The following PDXK variants were observed in gnomAD, a reference collection of about 807,000 sequenced individuals.
PDXK encodes epididymis secretory sperm binding protein Li 1a.
A neutral mutation model predicts 43.2 loss-of-function variants in PDXK; 15 were observed. The ratio of observed to expected loss-of-function variants is 0.35; its 90% CI spans 0.23 to 0.53. The LOEUF (loss-of-function observed/expected upper bound fraction) is 0.53, where lower values mean the gene tolerates loss of function less well. Ranked by LOEUF, PDXK falls within the 20% of genes least tolerant of loss-of-function variation. The pLI, the probability that PDXK is intolerant of heterozygous loss-of-function variation, is 0.92. For missense variants in PDXK, 343 were observed against 417.0 expected, an observed-to-expected ratio of 0.82 and a Z score of 1.54; for synonymous variants, 172 against 165.4, an observed-to-expected ratio of 1.04 and a Z score of -0.31.
Position 43,735,605 on chromosome 21 carries a change from T to C in PDXK, c.142+1482T>C, listed in dbSNP as rs1050438954. 3.3e-5 allele frequency among the ~76,000 whole-genome samples: 5 copies of C among 152,142 alleles called. No homozygotes were observed. Among genetic ancestry groups the C allele is most frequent in the Non-Finnish European group, 2.9e-5 (2 of 68,010 alleles). ...GACAGCCTGGGGGTGTCCCTTCCCA[T>C]GGGGTCCAGCCTGTGGTTCCTGGGA... is the stretch of plus-strand genomic sequence containing the variant. On this transcript the variant is annotated intron_variant, in intron 2 of 10. Coordinates refer to ENST00000291565, the MANE Select transcript of PDXK (RefSeq NM_003681.5). This position sits in a 1 kb window ranked among gnomAD's most constrained non-coding sequence, Gnocchi z 5.3.
chr21:43,756,387 T>C lies in PDXK; in HGVS notation c.*324T>C, dbSNP rs8126928. On this transcript the variant is annotated 3_prime_UTR_variant, in exon 11 of 11. Transcript: ENST00000291565. The stretch of plus-strand genomic sequence containing the variant: ...AGTGGGTGAGGCCGAGCCTGCTGCG[T>C]GTGGAGCCTCGAGTGGGCCCTGGCT... 0.24 allele frequency: 66,499 copies of C among 278,570 alleles called. 9,051 individuals carry two copies. The highest frequency in any genetic ancestry group is 0.35 in the African/African-American group (15,660 of 44,886). The allele number at this position is 278,570 out of a possible 1,614,324, so 17.3% of individuals were successfully genotyped here.
At chr21:43,738,086 C>A (rs1348982364) in intron 2 of PDXK, 1 of 977,858 alleles carries the variant, frequency 1.0e-6, no homozygotes, top group Non-Finnish European at 1.2e-6. Flanking sequence ...TACGTCCCCC[C>A]AAATTCTCAT....
In PDXK at chr21:43,749,094, TTTTATTTTAC is replaced by T. The variant is rs573978630; in HGVS notation, c.464+22_464+31del. ...GTTTGAGGCCGAGTAAGTCATTTTA[TTTTATTTTAC>T]TTTATTTATTTATTTTTCAAGATGG... On this transcript the variant is annotated intron_variant, in intron 6 of 10. Coordinates refer to ENST00000291565, the MANE Select transcript of PDXK (RefSeq NM_003681.5). 4,977 of 1,526,690 alleles carry T rather than the reference TTTTATTTTAC, an allele frequency of 3.3e-3. 12 individuals carry two copies. The highest frequency in any genetic ancestry group is 3.9e-3 in the Non-Finnish European group (4,299 of 1,104,792). The allele number at this position is 1,526,690 out of a possible 1,614,324, so 94.6% of individuals were successfully genotyped here.
At chr21:43,746,901 A>G (rs1356449714) in intron 5 of PDXK, among the ~76,000 whole-genome samples, 1 of 152,106 alleles carries the variant, frequency 6.6e-6, no homozygotes, top group Non-Finnish European at 1.5e-5. Flanking sequence ...CGGGGGCCAG[A>G]GCGGGTGGCT....
rs534063581 is a variant in PDXK, at chr21:43,754,233, G to A, written c.759+514G>A. Among the ~76,000 whole-genome samples, 23 of 152,324 alleles carry A rather than the reference G, an allele frequency of 1.5e-4. No homozygotes were observed. The highest frequency in any genetic ancestry group is 5.5e-4 in the African/African-American group (23 of 41,570). ...GGTGTGGAGAGCCGTCTTTCTGGGC[G>A]TTTTGTCTGGATGTCTGCCTGCTTT... is the stretch of plus-strand genomic sequence containing the variant. On this transcript the variant is annotated intron_variant, in intron 9 of 10. Coordinates refer to ENST00000291565, the MANE Select transcript of PDXK (RefSeq NM_003681.5). The surrounding 1 kb of genome is among the most constrained non-coding windows in gnomAD (Gnocchi z 5.5).
At chr21:43,748,818 CCACACGCTGT>C (rs1179536620) in intron 5 of PDXK, among the ~76,000 whole-genome samples, 167 bp from the exon 6 acceptor site, 1 of 152,196 alleles carries the variant, frequency 6.6e-6, no homozygotes, top group Admixed American at 6.5e-5. Context: ...TGTGCCTCGG[CCACACGCTGT>C]CCCCGTGGTG....
intron 9 of PDXK, 168 bp from the exon 10 acceptor site, chr21:43,755,530 C>G (rs2083832659): frequency 1.5e-6 from 1 of 653,410 alleles, no homozygotes; most frequent in African/African-American, 1.8e-5. Context: ...GGTGGGCAGT[C>G]CGCAGCCTGT....
chr21:43,759,083 G>C lies in PDXK; in HGVS notation c.*3020G>C, dbSNP rs2083895290. On this transcript the variant is annotated 3_prime_UTR_variant, in exon 11 of 11. Transcript: ENST00000291565. ...GATGTCTCCATCTTGAGATCACCAG[G>C]CAAGAGAGTTGCCTGCACCAGGTAA... is the stretch of plus-strand genomic sequence containing the variant. 1 of 152,232 alleles carries C rather than the reference G, an allele frequency of 6.6e-6. No homozygotes were observed. Among genetic ancestry groups the C allele is most frequent in the South Asian group, 2.1e-4 (1 of 4,828 alleles). The allele number at this position is 152,232 out of a possible 1,614,324, so 9.4% of individuals were successfully genotyped here. A position where few individuals can be genotyped will look rare whatever the true frequency, so the allele number is the denominator to read the frequency against.
At chr21:43,755,246 G>T (rs552154177) in intron 9 of PDXK, among the ~76,000 whole-genome samples, 2 of 151,488 alleles carry the variant, frequency 1.3e-5, no homozygotes, top group African/African-American at 4.8e-5. Context: ...CTGACTCTGA[G>T]GCATCACTGA....
intron 2 of PDXK, among the ~76,000 whole-genome samples, chr21:43,739,672 T>C (rs1467226346): frequency 6.6e-6 from 1 of 151,654 alleles, no homozygotes; most frequent in East Asian, 1.9e-4. Flanking sequence ...ACCACCCCCA[T>C]GATTGAATGA....
Position 43,737,129 on chromosome 21 carries a change from TG to T in PDXK, c.142+3009del. On this transcript the variant is annotated intron_variant, in intron 2 of 10. Coordinates refer to ENST00000291565, the MANE Select transcript of PDXK (RefSeq NM_003681.5). The surrounding 1 kb of genome is among the most constrained non-coding windows in gnomAD (Gnocchi z 4.8). ...CAGGGTTGTTACTGGGGTGGTCACG[TG>T]GGCAGCTTCTGCCTGGGATGGGCCA... 7.7e-7 allele frequency: 1 copy of T among 1,290,548 alleles called. No homozygotes were observed. Among genetic ancestry groups the T allele is most frequent in the Admixed American group, 2.1e-5 (1 of 48,738 alleles). The allele number at this position is 1,290,548 out of a possible 1,614,324, so 79.9% of individuals were successfully genotyped here.
intron 1 of PDXK, 124 bp downstream of exon 1, chr21:43,719,505 G>C: frequency 7.6e-7 from 1 of 1,315,686 alleles, no homozygotes; most frequent in Non-Finnish European, 1.0e-6. Context: ...TGGCGCGGGC[G>C]CCCTGGAGGC....
At chr21:43,744,186 G>C (rs2083596549) in intron 4 of PDXK, among the ~76,000 whole-genome samples, 1 of 151,858 alleles carries the variant, frequency 6.6e-6, no homozygotes. Context: ...GGGAGTGGGG[G>C]AGGGCAGGGT....
intron 5 of PDXK, chr21:43,748,419 G>A (rs985865839): frequency 6.6e-6 from 1 of 152,280 alleles, no homozygotes; most frequent in African/African-American, 2.4e-5. Flanking sequence ...CCCAGGAGGT[G>A]GAGGTCGCAG....
intron 1 of PDXK, among the ~76,000 whole-genome samples, chr21:43,731,857 G>C (rs758464487): frequency 6.6e-6 from 1 of 152,228 alleles, no homozygotes. Flanking sequence ...CACTGGTGTC[G>C]TGGAGGAGAC....
At chr21:43,742,159 ATTGTAT>A (rs1349264042) in intron 3 of PDXK, among the ~76,000 whole-genome samples, 2 of 152,130 alleles carry the variant, frequency 1.3e-5, no homozygotes, top group East Asian at 1.9e-4. Context: ...TTAAAAAAAA[ATTGTAT>A]TTGTATACAT....
At chr21:43,720,103 G>T (rs1421791691) in intron 1 of PDXK, among the ~76,000 whole-genome samples, 1 of 152,232 alleles carries the variant, frequency 6.6e-6, no homozygotes, top group Non-Finnish European at 1.5e-5. Flanking sequence ...GTTGGCCCAC[G>T]GCCTCCTGGT....
intron 1 of PDXK, among the ~76,000 whole-genome samples, chr21:43,721,423 T>C (rs530570352): frequency 6.6e-6 from 1 of 152,380 alleles, no homozygotes; most frequent in African/African-American, 2.4e-5. Flanking sequence ...ACATAGCCTC[T>C]GGCTGGGCCC....
Position 43,754,034 on chromosome 21 carries a change from G to C in PDXK, c.759+315G>C, listed in dbSNP as rs2083803285. ...ATGCCACCCGCTTGGCGTTGGCGCAGGGCTGTGGGATGCATGGAGCTGTTG... is the reference window on the plus strand; with the variant it reads ...ATGCCACCCGCTTGGCGTTGGCGCACGGCTGTGGGATGCATGGAGCTGTTG... On this transcript the variant is annotated intron_variant, in intron 9 of 10. Transcript: ENST00000291565. The surrounding 1 kb of genome is among the most constrained non-coding windows in gnomAD (Gnocchi z 5.5). Among the ~76,000 whole-genome samples the C allele has an allele frequency of 6.6e-6, 1 of 152,270 alleles. No individual in the cohort carries two copies.
Sources: gnomAD v4.1 joint callset for allele counts (sites outside exome capture counted in the v4.1 genomes callset) on GRCh38, gnomAD v4.1.1 for gene constraint, Gnocchi (gnomAD v3.1) non-coding constraint, MANE v1.5 for transcripts, NCBI Gene and HGNC (gene_info 2026-07-23, HGNC 2026-07-21) for gene names.